TSPAN12: variants seen among roughly 807,000 people sequenced by gnomAD.
TSPAN12 encodes the protein tetraspanin 12.
Under a neutral mutation model 39.2 loss-of-function variants are expected in TSPAN12, and 19 were observed. The ratio of observed to expected loss-of-function variants is 0.49; its 90% CI spans 0.34 to 0.71. The LOEUF (loss-of-function observed/expected upper bound fraction) is 0.71, where lower values mean the gene tolerates loss of function less well. TSPAN12 is among the 30% of genes least tolerant of loss of function. The pLI is 0.01. For missense variants in TSPAN12, 314 were observed against 359.9 expected (o/e 0.87, Z 1.03); for synonymous variants, 119 against 124.8 (o/e 0.95, Z 0.31).
At chr7:120,852,071 A>G (rs1014955406) in intron 2 of TSPAN12, among the ~76,000 whole-genome samples, 3 of 152,182 alleles carry the variant, frequency 2.0e-5, no homozygotes, top group African/African-American at 7.2e-5. Flanking sequence ...ACATTTTTTA[A>G]AAAGTACTCA....
chr7:120,854,758 G>C (rs907352255), intron 2 of TSPAN12, among the ~76,000 whole-genome samples: 1 of 152,186 alleles, frequency 6.6e-6, no homozygotes, highest in Non-Finnish European at 1.5e-5. Flanking sequence ...GGACAGGTAT[G>C]AGTAAATCTA....
intron 4 of TSPAN12, among the ~76,000 whole-genome samples, chr7:120,831,003 A>G (rs1201407944): frequency 1.3e-5 from 2 of 152,118 alleles, no homozygotes; most frequent in Non-Finnish European, 2.9e-5. Context: ...CATTTCTTAA[A>G]AGATGACATG....
At chr7:120,809,261 A>G (rs1793931763) in intron 6 of TSPAN12, among the ~76,000 whole-genome samples, 1 of 152,148 alleles carries the variant, frequency 6.6e-6, no homozygotes, top group South Asian at 2.1e-4. Flanking sequence ...TTTGTTTTTT[A>G]ACCTGGATTA....
chr7:120,790,376 G>T (rs575898077), intron 7 of TSPAN12, among the ~76,000 whole-genome samples: 1 of 152,300 alleles, frequency 6.6e-6, no homozygotes, highest in African/African-American at 2.4e-5. Context: ...TTACCTGTCT[G>T]AGATGTTGGG....
intron 7 of TSPAN12, among the ~76,000 whole-genome samples, chr7:120,790,029 G>A (rs1201475534): frequency 2.0e-5 from 3 of 152,116 alleles, no homozygotes; most frequent in Non-Finnish European, 4.4e-5. Context: ...TTCGTGCCCT[G>A]TGTAAATCAG....
At chr7:120,834,165 C>G (rs755084737) in intron 4 of TSPAN12, among the ~76,000 whole-genome samples, 40 of 152,080 alleles carry the variant, frequency 2.6e-4, no homozygotes, top group Non-Finnish European at 3.1e-4. Flanking sequence ...AATAAAAATA[C>G]CTATGTCCAT....
At chr7:120,800,416 A>G (rs1584925806) in intron 7 of TSPAN12, among the ~76,000 whole-genome samples, 1 of 151,952 alleles carries the variant, frequency 6.6e-6, no homozygotes, top group East Asian at 1.9e-4. Context: ...GAATGGTGAG[A>G]TTCCCCATTC....
chr7:120,849,312 T>C (rs1794728155), intron 2 of TSPAN12, among the ~76,000 whole-genome samples: 1 of 152,260 alleles, frequency 6.6e-6, no homozygotes, highest in South Asian at 2.1e-4. Flanking sequence ...TGGTCTGCTT[T>C]TGCTTGCATC....
chr7:120,817,235 G>T (rs976046919), intron 4 of TSPAN12, among the ~76,000 whole-genome samples: 19 of 151,796 alleles, frequency 1.3e-4, no homozygotes, highest in African/African-American at 4.1e-4. Context: ...AAGAAGAAAA[G>T]AAAATTAGCC....
At chr7:120,797,465 C>A (rs368188841) in intron 7 of TSPAN12, among the ~76,000 whole-genome samples, 5 of 152,264 alleles carry the variant, frequency 3.3e-5, no homozygotes, top group Admixed American at 6.5e-5. Context: ...GAGAGATAAA[C>A]TCCCAGCTTA....
At chr7:120,832,465 TAC>T (rs1270105739) in intron 4 of TSPAN12, among the ~76,000 whole-genome samples, 1 of 152,098 alleles carries the variant, frequency 6.6e-6, no homozygotes, top group African/African-American at 2.4e-5. Context: ...TCAGTGTTTA[TAC>T]ACACTCTTCA....
At position 120,856,814 on chromosome 7, in the gene TSPAN12, A is replaced by C; in HGVS notation, c.-51T>G. ...CATCCTTTCACCACATCCTACTCCC[A>C]AGGGCAAAACGGCAGCGATCTGCAG... On this transcript the variant is annotated 5_prime_UTR_variant, in exon 2 of 8. Coordinates refer to ENST00000222747, the MANE Select transcript of TSPAN12 (RefSeq NM_012338.4). 1 of 1,603,858 alleles carries C rather than the reference A, an allele frequency of 6.2e-7. No individual in the cohort carries two copies.
chr7:120,800,075 A>C (rs1793736198), intron 7 of TSPAN12, among the ~76,000 whole-genome samples: 1 of 151,898 alleles, frequency 6.6e-6, no homozygotes, highest in South Asian at 2.1e-4. Context: ...GAGAACTAAA[A>C]TATTGCCCAG....
At chr7:120,839,039 G>T in intron 3 of TSPAN12, 127 bp from the exon 4 acceptor site, 1 of 944,200 alleles carries the variant, frequency 1.1e-6, no homozygotes, top group Non-Finnish European at 1.6e-6. Flanking sequence ...ACTAGTGACT[G>T]CATTGTTATT....
intron 2 of TSPAN12, among the ~76,000 whole-genome samples, chr7:120,848,494 GCTTT>G (rs1794713722): frequency 6.6e-6 from 1 of 151,990 alleles, no homozygotes; most frequent in South Asian, 2.1e-4. Context: ...TAAGAACCGA[GCTTT>G]CTATCACTGG....
chr7:120,806,185 A>G (rs1793869655), intron 7 of TSPAN12, among the ~76,000 whole-genome samples: 1 of 151,922 alleles, frequency 6.6e-6, no homozygotes, highest in Admixed American at 6.6e-5. Context: ...CTCTTAAAAT[A>G]CGTATTCTGT....
intron 4 of TSPAN12, 39 bp from the exon 5 acceptor site, chr7:120,815,842 A>C (rs1468123280): frequency 6.4e-7 from 1 of 1,559,192 alleles, no homozygotes; most frequent in African/African-American, 1.4e-5. Context: ...ATAGTATCAG[A>C]ATAAAATAGG....
intron 7 of TSPAN12, among the ~76,000 whole-genome samples, chr7:120,793,118 T>A (rs928930192): frequency 1.3e-5 from 2 of 152,214 alleles, no homozygotes; most frequent in African/African-American, 2.4e-5. Flanking sequence ...TCTTTAATTA[T>A]TCTCCTCTCT....
At chr7:120,817,875 G>A (rs1262500619) in intron 4 of TSPAN12, among the ~76,000 whole-genome samples, 2 of 152,234 alleles carry the variant, frequency 1.3e-5, no homozygotes, top group East Asian at 3.9e-4. Flanking sequence ...GCTCCACTAA[G>A]GGCAGGTACA....
Sources: gnomAD v4.1 joint callset for allele counts (sites outside exome capture counted in the v4.1 genomes callset) on GRCh38, gnomAD v4.1.1 for gene constraint, MANE v1.5 for transcripts, NCBI Gene and HGNC (gene_info 2026-07-23, HGNC 2026-07-21) for gene names.